EIF4E3: variants seen among roughly 807,000 people sequenced by gnomAD.
EIF4E3 encodes eukaryotic translation initiation factor 4E family member 3.
In EIF4E3, 26 loss-of-function variants were observed where a neutral mutation model predicts 31.7. The observed-to-expected ratio is 0.82, with a 90% confidence interval of 0.60 to 1.14. The LOEUF is 1.14. Among genes scored for constraint, EIF4E3 ranks in the 50% most tolerant of loss-of-function variants. EIF4E3 has a pLI of 0.00. For missense variants in EIF4E3, 304 were observed against 270.9 expected, an observed-to-expected ratio of 1.12 and a Z score of -0.86; for synonymous variants, 128 against 107.7, an observed-to-expected ratio of 1.19 and a Z score of -1.17.
chr3:71,750,773 T>G (rs1331908013), intron 1 of EIF4E3, among the ~76,000 whole-genome samples: 3 of 151,584 alleles, frequency 2.0e-5, no homozygotes, highest in Admixed American at 2.0e-4. Context: ...TTGGTTTTTT[T>G]TTTTTTTTGA....
At chr3:71,706,776 T>C (rs922600715) in intron 2 of EIF4E3, among the ~76,000 whole-genome samples, 2 of 152,112 alleles carry the variant, frequency 1.3e-5, no homozygotes, top group African/African-American at 2.4e-5. Context: ...TGAGCTATAA[T>C]AGCACCACTG....
In EIF4E3 at chr3:71,710,473, C is replaced by G; in HGVS notation, c.188G>C (p.Gly63Ala). 3 of 1,552,022 alleles carry G rather than the reference C, an allele frequency of 1.9e-6. No homozygotes were observed. The highest frequency in any genetic ancestry group is 2.6e-6 in the Non-Finnish European group (3 of 1,147,096). Residue 63 changes from glycine to alanine, a missense_variant, in exon 2 of 7, where the codon GGT becomes GCT. Coordinates refer to ENST00000425534, the MANE Select transcript of EIF4E3 (RefSeq NM_001134651.2). ...TGATGCGCACTCAGCTGCTGTGGCA[C>G]CAGGGAGGGATCTAGGCAAGCAGGA... ...WTFWLDRSLP[G>A]ATAAECASNL...
rs2048902041 is a variant in EIF4E3 at position 71,679,767 on chromosome 3, T to C, written c.*4915A>G. The C allele has an allele frequency of 6.6e-6, 1 of 152,224 alleles. No homozygotes were observed. Among genetic ancestry groups the C allele is most frequent in the South Asian group, 2.1e-4 (1 of 4,832 alleles). The allele number at this position is 152,224 out of a possible 1,614,324, so 9.4% of individuals were successfully genotyped here. On this transcript the variant is annotated 3_prime_UTR_variant, in exon 7 of 7. Coordinates refer to ENST00000425534, the MANE Select transcript of EIF4E3 (RefSeq NM_001134651.2). ...TAAGCTACGTTTTGAAAGTGACAAT[T>C]AATTTTAGTGGAAATTCATTCCCAG... is the stretch of plus-strand genomic sequence containing the variant.
At chr3:71,691,957 G>T (rs2049069295) in intron 5 of EIF4E3, among the ~76,000 whole-genome samples, 1 of 152,210 alleles carries the variant, frequency 6.6e-6, no homozygotes, top group South Asian at 2.1e-4. Context: ...AAATGTTCAT[G>T]TCTCCAGTCT....
rs530536028 is a variant in EIF4E3, at chr3:71,745,428, T to C, written c.-291+8035A>G. Among the ~76,000 whole-genome samples, 47 of 152,334 alleles carry C rather than the reference T, an allele frequency of 3.1e-4. 1 individual carries two copies. The South Asian group carries it at 8.9e-3, about 29-fold the overall frequency. On this transcript the variant is annotated intron_variant, in intron 1 of 7. Transcript: ENST00000295612. ...TACAGGAACTTAAAGATGTGTCTTA[T>C]GGAACTATGAACCTGTTCCATAGTT...
At chr3:71,733,199 G>A (rs189508389) in intron 1 of EIF4E3, among the ~76,000 whole-genome samples, 5 of 152,280 alleles carry the variant, frequency 3.3e-5, no homozygotes, top group Middle Eastern at 3.4e-3. Flanking sequence ...AAACCCGAAC[G>A]GTAGATACAC....
At chr3:71,745,574 G>C (rs1471191530) in intron 1 of EIF4E3, among the ~76,000 whole-genome samples, 2 of 152,210 alleles carry the variant, frequency 1.3e-5, no homozygotes, top group Non-Finnish European at 2.9e-5. Flanking sequence ...CCAAATAAGA[G>C]AGAAAGGAGA....
intron 1 of EIF4E3, among the ~76,000 whole-genome samples, chr3:71,740,867 T>G (rs1180481575): frequency 6.6e-6 from 1 of 152,230 alleles, no homozygotes; most frequent in East Asian, 1.9e-4. Flanking sequence ...CCGGCCGCGG[T>G]GGCTCACGCC....
chr3:71,707,454 ACT>A (rs1389458234), intron 2 of EIF4E3, among the ~76,000 whole-genome samples: 2 of 152,218 alleles, frequency 1.3e-5, no homozygotes, highest in Non-Finnish European at 2.9e-5. Context: ...ATTACTAAGA[ACT>A]ATATACCATC....
At chr3:71,705,500 A>G (rs2049279539) in intron 2 of EIF4E3, among the ~76,000 whole-genome samples, 2 of 152,234 alleles carry the variant, frequency 1.3e-5, no homozygotes, top group South Asian at 2.1e-4. Context: ...TATAGAGGAA[A>G]TATGGTTTCT....
rs972393560 is a variant in EIF4E3 at position 71,679,680 on chromosome 3, TATTTG to T, written c.*4997_*5001del. The T allele has an allele frequency of 7.0e-4, 107 of 152,270 alleles. No homozygotes were observed. Among genetic ancestry groups the T allele is most frequent in the African/African-American group, 2.0e-3 (83 of 41,564 alleles). The allele number at this position is 152,270 out of a possible 1,614,324, so 9.4% of individuals were successfully genotyped here. On this transcript the variant is annotated 3_prime_UTR_variant, in exon 7 of 7. Coordinates refer to ENST00000425534, the MANE Select transcript of EIF4E3 (RefSeq NM_001134651.2). ...TCACTCACATCGTTTAGGGAATACTTATTTGATTTTTTTGACATTTCTATGTATTA... is the reference window on the plus strand; with the variant it reads ...TCACTCACATCGTTTAGGGAATACTTATTTTTTTGACATTTCTATGTATTA...
intron 2 of EIF4E3, among the ~76,000 whole-genome samples, chr3:71,702,435 T>C (rs2049231063): frequency 6.6e-6 from 1 of 152,246 alleles, no homozygotes; most frequent in Non-Finnish European, 1.5e-5. Context: ...ATCTTGACTT[T>C]TTAACCTAGT....
upstream of EIF4E3, chr3:71,725,445 C>T (rs2049622878): frequency 3.5e-6 from 3 of 854,928 alleles, no homozygotes; most frequent in Non-Finnish European, 2.8e-6. This position sits in a 1 kb window ranked among gnomAD's most constrained non-coding sequence, Gnocchi z 6.1. Context: ...CGGCCCCCGC[C>T]CCGCCCCGCC....
At chr3:71,693,731 A>G (rs1397159089) in intron 5 of EIF4E3, 144 bp downstream of exon 5, 1 of 753,128 alleles carries the variant, frequency 1.3e-6, no homozygotes, top group African/African-American at 1.8e-5. Context: ...TCACATGAAA[A>G]AAAATTGAGT....
chr3:71,671,509 G>C (rs1228714132), downstream of EIF4E3, among the ~76,000 whole-genome samples: 1 of 152,180 alleles, frequency 6.6e-6, no homozygotes, highest in Non-Finnish European at 1.5e-5. Flanking sequence ...GTCTTGGAAT[G>C]CCACAAACAT....
the EIF4E3 span, among the ~76,000 whole-genome samples, chr3:71,667,123 C>T: frequency 5.3e-5 from 8 of 152,260 alleles, no homozygotes; most frequent in South Asian, 1.7e-3. Context: ...AAATGTAATC[C>T]ATCACATAAA....
chr3:71,661,061 G>A, the EIF4E3 span, among the ~76,000 whole-genome samples: 1 of 151,948 alleles, frequency 6.6e-6, no homozygotes, highest in Non-Finnish European at 1.5e-5. Context: ...GTACAAGCTG[G>A]TCTCCTCTTA....
At chr3:71,730,050 T>C (rs2049688726), upstream of EIF4E3, among the ~76,000 whole-genome samples, 1 of 151,880 alleles carries the variant, frequency 6.6e-6, no homozygotes, top group Non-Finnish European at 1.5e-5. Context: ...TCAGTGCCGG[T>C]AGGTACAGGG....
Position 71,680,552 on chromosome 3 carries a change from A to G in EIF4E3, c.*4130T>C, listed in dbSNP as rs1263835131. ...TGGCCTGAGTGGGCCAATCTGAATAAGTATTCTTAGATTTGGATGTATATG... is the reference window on the plus strand; with the variant it reads ...TGGCCTGAGTGGGCCAATCTGAATAGGTATTCTTAGATTTGGATGTATATG... On this transcript the variant is annotated 3_prime_UTR_variant, in exon 7 of 7. Coordinates refer to ENST00000425534, the MANE Select transcript of EIF4E3 (RefSeq NM_001134651.2). 1 of 152,240 alleles carries G rather than the reference A, an allele frequency of 6.6e-6. No homozygotes were observed. Among genetic ancestry groups the G allele is most frequent in the Non-Finnish European group, 1.5e-5 (1 of 68,036 alleles). 9.4% of individuals were successfully genotyped at this position (152,240 alleles called of 1,614,324 possible).
Sources: gnomAD v4.1 joint callset for allele counts (sites outside exome capture counted in the v4.1 genomes callset) on GRCh38, gnomAD v4.1.1 for gene constraint, Gnocchi (gnomAD v3.1) non-coding constraint, MANE v1.5 for transcripts, NCBI Gene and HGNC (gene_info 2026-07-23, HGNC 2026-07-21) for gene names.